Variants in PIR observed in about 807,000 individuals in gnomAD.
The protein encoded by PIR is pirin.
Under a neutral mutation model 24.2 loss-of-function variants are expected in PIR, and 22 were observed. That is an observed-to-expected ratio of 0.91 (90% CI 0.65 to 1.30). PIR has a LOEUF of 1.30. PIR is among the 50% of genes most tolerant of loss of function. PIR has a pLI of 0.00. For missense variants in PIR, 220 were observed against 220.3 expected (o/e 1.00, Z 0.01); for synonymous variants, 80 against 79.6 (o/e 1.00, Z -0.03).
chrX:15,430,681 A>G (rs1233549894), intron 5 of PIR, among the ~76,000 whole-genome samples: 1 of 111,170 alleles, frequency 9.0e-6, no homozygotes, highest in Non-Finnish European at 1.9e-5. Context: ...CTTCCCATTT[A>G]CCCTGGCTTT....
chrX:15,397,460 C>G lies in PIR; in HGVS notation c.682G>C (p.Val228Leu). Residue 228 changes from valine to leucine, a missense_variant, in exon 8 of 10, where the codon GTG (valine) becomes CTG (leucine). Val to Leu is a conservative substitution (Grantham distance 32, BLOSUM62 1). Coordinates refer to ENST00000380420, the MANE Select transcript of PIR (RefSeq NM_001018109.3). ...AVLGEGDSVQ[V>L]ENKDPKRSHF... Reference sequence around the variant, plus strand: ...AATAACATACTTACCTTGTTCTCCACCTGGACACTGTCACCTTCTCCAAGC... The same window carrying G: ...AATAACATACTTACCTTGTTCTCCAGCTGGACACTGTCACCTTCTCCAAGC... 8.4e-7 allele frequency: 1 copy of G among 1,188,679 alleles called. No homozygotes were observed. Among genetic ancestry groups the G allele is most frequent in the Non-Finnish European group, 1.1e-6 (1 of 874,246 alleles).
chrX:15,406,336 A>G (rs1419333064), intron 7 of PIR, among the ~76,000 whole-genome samples: 1 of 112,211 alleles, frequency 8.9e-6, no homozygotes, highest in Non-Finnish European at 1.9e-5. Flanking sequence ...TCAGGAAACA[A>G]CAGTCCAGAG....
chrX:15,488,503 G>A (rs1402955355), intron 2 of PIR, among the ~76,000 whole-genome samples: 1 of 110,382 alleles, frequency 9.1e-6, no homozygotes, highest in Non-Finnish European at 1.9e-5. Context: ...ATGGGATATG[G>A]CATAACTATT....
chrX:15,464,347 T>G, intron 3 of PIR: 1 of 655,318 alleles, frequency 1.5e-6, no homozygotes, highest in South Asian at 7.9e-5. Context: ...CTGTAATAAT[T>G]AATTGACTTT....
At chrX:15,398,665 GGAGGGTGTGT>G (rs1198231740) in intron 7 of PIR, among the ~76,000 whole-genome samples, 14 of 36,357 alleles carry the variant, frequency 3.9e-4, no homozygotes, top group South Asian at 1.4e-3. Flanking sequence ...CCTTGAGGAG[GGAGGGTGTGT>G]GTGTGTGTGT....
chrX:15,409,991 G>A (rs149105637), intron 6 of PIR, among the ~76,000 whole-genome samples: 3,962 of 110,147 alleles, frequency 0.036, 189 homozygotes, highest in African/African-American at 0.12. Context: ...GGTCACTCAC[G>A]CCTGTAATCC....
chrX:15,456,977 A>C, intron 4 of PIR, among the ~76,000 whole-genome samples: 1 of 112,402 alleles, frequency 8.9e-6, no homozygotes, highest in Non-Finnish European at 1.9e-5. Context: ...GTTCTCCCAC[A>C]GAAGTTGTGA....
chrX:15,399,448 A>G lies in PIR; in HGVS notation c.611-1917T>C, dbSNP rs766147745. Among the ~76,000 whole-genome samples, 98 of 112,060 alleles carry G rather than the reference A, an allele frequency of 8.7e-4. 1 individual carries two copies. The highest frequency in any genetic ancestry group is 1.6e-3 in the Non-Finnish European group (87 of 53,219). Reference sequence around the variant, plus strand: ...CAAACATGAAATAGGATTCTAACAGAGCAGGAGTTCTCAACGTGGAGTCAA... The same window carrying G: ...CAAACATGAAATAGGATTCTAACAGGGCAGGAGTTCTCAACGTGGAGTCAA... On this transcript the variant is annotated intron_variant, in intron 7 of 9. Coordinates refer to ENST00000380420, the MANE Select transcript of PIR (RefSeq NM_001018109.3).
intron 9 of PIR, among the ~76,000 whole-genome samples, chrX:15,386,676 G>A (rs1422303490): frequency 2.7e-5 from 3 of 111,540 alleles, no homozygotes; most frequent in Non-Finnish European, 5.6e-5. Context: ...GTCACACACG[G>A]AGGAAAGGCA....
At chrX:15,433,682 A>G (rs1160492270) in intron 5 of PIR, among the ~76,000 whole-genome samples, 3 of 83,891 alleles carry the variant, frequency 3.6e-5, no homozygotes, top group Admixed American at 1.3e-4. Flanking sequence ...AGGAGGAAGG[A>G]GAAAGAAGGA....
rs776017625 is a variant in PIR, at chrX:15,479,824, G to A, written c.97-3C>T. On this transcript the variant is annotated splice_polypyrimidine_tract_variant and splice_region_variant and intron_variant, in intron 2 of 9. Coordinates refer to ENST00000380420, the MANE Select transcript of PIR (RefSeq NM_001018109.3). The stretch of plus-strand genomic sequence containing the variant: ...AAAAACGGATCCAGATTTTTTAACT[G>A]AAATAAAAATAAAATTTGCAGATTA... The A allele has an allele frequency of 4.7e-6, 5 of 1,064,281 alleles. No homozygotes were observed. Among genetic ancestry groups the A allele is most frequent in the Non-Finnish European group, 6.5e-6 (5 of 772,347 alleles). The allele number at this position is 1,064,281 out of a possible 1,213,427, so 87.7% of individuals were successfully genotyped here.
rs772910331 is a variant in PIR, at chrX:15,483,164, C to CAT, written c.97-3345_97-3344dup. Among the ~76,000 whole-genome samples the CAT allele has an allele frequency of 1.4e-3, 77 of 56,959 alleles. 1 individual carries two copies. Among genetic ancestry groups the CAT allele is most frequent in the African/African-American group, 4.1e-3 (69 of 16,919 alleles). The allele number at this position is 56,959 out of a possible 115,157, so 49.5% of individuals were successfully genotyped here. On this transcript the variant is annotated intron_variant, in intron 2 of 9. Transcript: ENST00000380420. ...ATATATACATAACATATACATTATA[C>CAT]ATATATATATAAATTCAACAAGCTA...
chrX:15,452,693 C>T (rs886428452), intron 5 of PIR, among the ~76,000 whole-genome samples: 1 of 112,072 alleles, frequency 8.9e-6, no homozygotes, highest in Non-Finnish European at 1.9e-5. Context: ...ATCCCATACC[C>T]ATTATGCATG....
At position 15,481,738 on chromosome X, in the gene PIR, T is replaced by C. The variant is rs756505033; in HGVS notation, c.97-1917A>G. ...AGCTCTTATTAATTTTAATGATTCA[T>C]CTGTAGCTTCTTTTGGGTTTTCTTT... is the stretch of plus-strand genomic sequence containing the variant. On this transcript the variant is annotated intron_variant, in intron 2 of 9. Coordinates refer to ENST00000380420, the MANE Select transcript of PIR (RefSeq NM_001018109.3). 5.3e-5 allele frequency among the ~76,000 whole-genome samples: 6 copies of C among 112,248 alleles called. No homozygotes were observed. In the South Asian group the frequency reaches 2.2e-3, roughly 41 times the overall value.
At chrX:15,465,797 A>G (rs1921544691) in intron 3 of PIR, among the ~76,000 whole-genome samples, 1 of 111,973 alleles carries the variant, frequency 8.9e-6, no homozygotes, top group South Asian at 3.7e-4. Context: ...GGTGTACCTC[A>G]AGGAGCTATA....
At chrX:15,413,352 T>A (rs764222798) in intron 6 of PIR, among the ~76,000 whole-genome samples, 33 of 111,295 alleles carry the variant, frequency 3.0e-4, no homozygotes, top group Non-Finnish European at 2.3e-4. Context: ...GGAGCAAAGC[T>A]CAGCAGGGTC....
intron 5 of PIR, among the ~76,000 whole-genome samples, chrX:15,445,694 T>C (rs1926066791): frequency 9.0e-6 from 1 of 111,145 alleles, no homozygotes; most frequent in Non-Finnish European, 1.9e-5. Flanking sequence ...TACAAAAGAC[T>C]CCATTAGATG....
At chrX:15,422,122 C>A (rs1925150499) in intron 6 of PIR, among the ~76,000 whole-genome samples, 1 of 110,826 alleles carries the variant, frequency 9.0e-6, no homozygotes, top group African/African-American at 3.3e-5. Flanking sequence ...AAACCTTTAA[C>A]AAACTGGGTA....
intron 7 of PIR, among the ~76,000 whole-genome samples, chrX:15,400,534 A>AC (rs1924341107): frequency 9.0e-6 from 1 of 110,677 alleles, no homozygotes; most frequent in South Asian, 3.8e-4. Context: ...ATTTCTCTGC[A>AC]CCCCCTATCA....
Sources: gnomAD v4.1 joint callset for allele counts (sites outside exome capture counted in the v4.1 genomes callset) on GRCh38, gnomAD v4.1.1 for gene constraint, MANE v1.5 for transcripts, NCBI Gene and HGNC (gene_info 2026-07-23, HGNC 2026-07-21) for gene names.